DDX4: variants seen among roughly 807,000 people sequenced by gnomAD.
DDX4 encodes probable ATP-dependent RNA helicase DDX4.
In DDX4, 25 loss-of-function variants were observed where a neutral mutation model predicts 100.0. That is an observed-to-expected ratio of 0.25 (90% confidence interval 0.18 to 0.35). The LOEUF is 0.35. Ranked by LOEUF, DDX4 falls within the 10% of genes least tolerant of loss-of-function variation. The pLI, the probability that DDX4 is intolerant of heterozygous loss-of-function variation, is 1.00. For missense variants in DDX4, 635 were observed against 882.4 expected (o/e 0.72, Z 3.55); for synonymous variants, 259 against 275.7 (o/e 0.94, Z 0.60).
chr5:55,778,594 A>G (rs1034604654), intron 7 of DDX4, among the ~76,000 whole-genome samples: 15 of 152,182 alleles, frequency 9.9e-5, no homozygotes, highest in African/African-American at 3.1e-4. Flanking sequence ...AAAGTTGAAT[A>G]AAAGGAAAAA....
At chr5:55,786,793 T>C (rs933340752) in intron 14 of DDX4, 123 bp downstream of exon 14, 19 of 734,912 alleles carry the variant, frequency 2.6e-5, no homozygotes, top group Non-Finnish European at 3.9e-5. Flanking sequence ...TCATAAGTAT[T>C]GATGGTTTTG....
intron 2 of DDX4, among the ~76,000 whole-genome samples, chr5:55,740,450 G>A (rs559188986): frequency 6.6e-6 from 1 of 151,808 alleles, no homozygotes; most frequent in South Asian, 2.1e-4. Context: ...ACAGTCATGA[G>A]CCACCGTGCC....
At chr5:55,798,860 T>G (rs1173523110) in intron 18 of DDX4, among the ~76,000 whole-genome samples, 2 of 152,176 alleles carry the variant, frequency 1.3e-5, no homozygotes, top group East Asian at 1.9e-4. Context: ...CTAGAAAGGC[T>G]TAGTAGTGAC....
intron 10 of DDX4, among the ~76,000 whole-genome samples, chr5:55,783,084 G>C (rs970944714): frequency 6.6e-6 from 1 of 151,910 alleles, no homozygotes. Flanking sequence ...GAGCCACTGC[G>C]CCTGACCTTA....
intron 14 of DDX4, among the ~76,000 whole-genome samples, 199 bp from the exon 15 acceptor site, chr5:55,787,647 A>G (rs1050348479): frequency 6.6e-6 from 1 of 152,202 alleles, no homozygotes; most frequent in African/African-American, 2.4e-5. Context: ...AATTTTACCA[A>G]ATTTTATATT....
intron 15 of DDX4, among the ~76,000 whole-genome samples, chr5:55,788,311 C>CA (rs1405653715): frequency 1.3e-5 from 2 of 151,864 alleles, no homozygotes; most frequent in Admixed American, 6.6e-5. Context: ...CCCATCTCTA[C>CA]AAAAAATAAA....
chr5:55,746,135 A>G, intron 2 of DDX4, 29 bp from the exon 3 acceptor site: 1 of 1,561,474 alleles, frequency 6.4e-7, no homozygotes, highest in South Asian at 1.2e-5. Context: ...AAAGTAGGAA[A>G]CTAGTTTTTT....
Position 55,739,015 on chromosome 5 carries a change from G to T in DDX4, c.52G>T (p.Val18Phe). The change falls in exon 2 of 22, where the codon GTT becomes TTT. Residue 18 changes from valine to phenylalanine, a missense_variant. This residue lies in a region of DDX4 where 446 missense variants were observed against 540.8 expected (regional missense o/e 0.82). Transcript: ENST00000505374. ...AATCAACCCTCATATGTCTTCCTAT[G>T]TTCCCATATTTGAGAAGGTAATAAC... ...AEINPHMSSY[V>F]PIFEKDRYSG... The T allele has an allele frequency of 6.3e-7, 1 of 1,596,244 alleles. No individual in the cohort carries two copies. Among genetic ancestry groups the T allele is most frequent in the Non-Finnish European group, 8.6e-7 (1 of 1,164,626 alleles).
intron 2 of DDX4, among the ~76,000 whole-genome samples, chr5:55,744,051 T>C (rs1287345683): frequency 2.0e-5 from 3 of 152,070 alleles, no homozygotes; most frequent in Admixed American, 2.0e-4. Flanking sequence ...AACTGGAACT[T>C]TTTTTTACTG....
intron 7 of DDX4, among the ~76,000 whole-genome samples, chr5:55,774,413 A>C (rs532836653): frequency 1.3e-5 from 2 of 152,118 alleles, no homozygotes; most frequent in Non-Finnish European, 2.9e-5. Context: ...TGGCCTTCCA[A>C]AGTGCTCGGA....
At chr5:55,759,714 A>G (rs1760186525) in intron 3 of DDX4, among the ~76,000 whole-genome samples, 1 of 152,166 alleles carries the variant, frequency 6.6e-6, no homozygotes, top group African/African-American at 2.4e-5. Context: ...TGTCTGGATA[A>G]CCATGTGATT....
rs115375618 is a variant in DDX4, at chr5:55,759,045, C to T, written c.128-1155C>T. ...CTGGGTCTACAGGTGTGCACCACCA[C>T]ACCCAGCTACTTAAATTTTTTTTTT... On this transcript the variant is annotated intron_variant, in intron 3 of 21. Coordinates refer to ENST00000505374, the MANE Select transcript of DDX4 (RefSeq NM_024415.3). Among the ~76,000 whole-genome samples, 320 of 151,948 alleles carry T rather than the reference C, an allele frequency of 2.1e-3. 1 individual carries two copies. The highest frequency in any genetic ancestry group is 7.2e-3 in the African/African-American group (297 of 41,470).
intron 18 of DDX4, among the ~76,000 whole-genome samples, chr5:55,806,246 C>G (rs1743704868): frequency 6.6e-6 from 1 of 151,966 alleles, no homozygotes; most frequent in Admixed American, 6.6e-5. Flanking sequence ...AGCAGTCTGT[C>G]AATTTTGTTG....
intron 10 of DDX4, 123 bp from the exon 11 acceptor site, chr5:55,785,174 G>A: frequency 1.4e-6 from 1 of 706,944 alleles, no homozygotes; most frequent in South Asian, 1.8e-5. Flanking sequence ...ATTGTTTCAA[G>A]TATTTGTAAG....
At chr5:55,768,921 G>A (rs1741094113) in intron 7 of DDX4, among the ~76,000 whole-genome samples, 1 of 152,010 alleles carries the variant, frequency 6.6e-6, no homozygotes, top group South Asian at 2.1e-4. Flanking sequence ...GCTGTATATT[G>A]TCTTTTGAAA....
intron 18 of DDX4, among the ~76,000 whole-genome samples, chr5:55,813,079 C>T (rs930510573): frequency 2.0e-5 from 3 of 151,896 alleles, no homozygotes; most frequent in Admixed American, 6.6e-5. Flanking sequence ...GAATTTCTAC[C>T]GGTTAAATAT....
chr5:55,777,959 G>A (rs189135536), intron 7 of DDX4, among the ~76,000 whole-genome samples: 1 of 152,238 alleles, frequency 6.6e-6, no homozygotes, highest in East Asian at 1.9e-4. Flanking sequence ...GCAGAACAGA[G>A]ATTAATAAGA....
intron 15 of DDX4, among the ~76,000 whole-genome samples, chr5:55,788,823 T>C (rs922853286): frequency 2.6e-5 from 4 of 152,278 alleles, no homozygotes; most frequent in African/African-American, 9.6e-5. Context: ...CCTAGCACTT[T>C]GGGAGGCCAA....
At chr5:55,781,006 T>C in intron 8 of DDX4, 60 bp from the exon 9 acceptor site, 1 of 1,480,928 alleles carries the variant, frequency 6.8e-7, no homozygotes, top group African/African-American at 1.4e-5. Flanking sequence ...TTCTGTTTAC[T>C]GAACGATTAA....
Sources: allele counts gnomAD v4.1 joint callset (sites outside exome capture counted in the v4.1 genomes callset), GRCh38; gene constraint gnomAD v4.1.1; regional missense constraint gnomAD v4.1.1; transcripts MANE v1.5; gene names NCBI Gene and HGNC (gene_info 2026-07-23, HGNC 2026-07-21).